Variants in GET4 observed in about 807,000 individuals in gnomAD.
GET4 encodes the protein Golgi to ER traffic protein 4 homolog.
A neutral mutation model predicts 40.0 loss-of-function variants in GET4; 20 were observed. That is an observed-to-expected ratio of 0.50 (90% CI 0.35 to 0.73). The LOEUF (loss-of-function observed/expected upper bound fraction) is 0.73, where lower values mean the gene tolerates loss of function less well. Among genes scored for constraint, GET4 ranks in the 30% least tolerant of loss-of-function variants. The probability of loss-of-function intolerance (pLI) is 0.01; values close to 1 mark genes in which losing one functional copy is unlikely to be tolerated. For synonymous variants in GET4, 280 were observed against 194.6 expected (o/e 1.44, Z -3.65); for missense variants, 557 against 454.0 (o/e 1.23, Z -2.06).
intron 1 of GET4, chr7:884,282 G>A (rs1844143964): frequency 7.7e-7 from 1 of 1,304,026 alleles, no homozygotes; most frequent in Admixed American, 2.3e-5. Flanking sequence ...AGAGTGCCCT[G>A]TGCCAGACGG....
In GET4 at chr7:892,322, C is replaced by T. The variant is rs141776612; in HGVS notation, c.650C>T (p.Thr217Met). Residue 217 changes from threonine (T) to methionine (M), a missense_variant, in exon 6 of 9, where the codon ACG becomes ATG. Physicochemically the swap from Thr to Met is moderately conservative, Grantham distance 81 (BLOSUM62 -1). Transcript: ENST00000265857. Reference protein sequence around the residue: ...KNKSSASVVFTTYTQKHPSIE... With the variant: ...KNKSSASVVFMTYTQKHPSIE... ...AAAAGTAGCGCATCGGTGGTCTTCA[C>T]GACGTACACCCAGAAGCACCCGTCC... is the stretch of plus-strand genomic sequence containing the variant. 1.1e-5 allele frequency: 18 copies of T among 1,594,970 alleles called. No homozygotes were observed. Among genetic ancestry groups the T allele is most frequent in the African/African-American group, 2.7e-5 (2 of 74,750 alleles).
chr7:894,051 T>G lies in GET4; in HGVS notation c.895+80T>G, dbSNP rs137889159. 4,550 of 833,330 alleles carry G rather than the reference T, an allele frequency of 5.5e-3. 14 individuals are homozygous for G. The highest frequency in any genetic ancestry group is 7.5e-3 in the Non-Finnish European group (4,058 of 542,984). 51.6% of individuals were successfully genotyped at this position (833,330 alleles called of 1,614,324 possible). A position where few individuals can be genotyped will look rare whatever the true frequency, so the allele number is the denominator to read the frequency against. ...ATCATCTCTGCCCAGGCAGGTCCAG[T>G]GCGGTCCTTCACGTGGAAGTGGTTT... On this transcript the variant is annotated intron_variant, in intron 8 of 8. Coordinates refer to ENST00000265857, the MANE Select transcript of GET4 (RefSeq NM_015949.3).
At chr7:884,223 C>T (rs1287368167) in intron 1 of GET4, 3 of 1,303,974 alleles carry the variant, frequency 2.3e-6, no homozygotes, top group South Asian at 2.5e-5. Context: ...TGCCCGTGGC[C>T]CCACTGGCGG....
At chr7:892,660 G>A (rs1281271045) in intron 6 of GET4, among the ~76,000 whole-genome samples, 4 of 145,522 alleles carry the variant, frequency 2.7e-5, no homozygotes, top group African/African-American at 1.0e-4. Flanking sequence ...TAGACATGGC[G>A]TGGGGGAGTG....
Position 876,696 on chromosome 7 carries a change from C to T in GET4, c.51C>T (p.Gly17=), listed in dbSNP as rs1401099320. The T allele has an allele frequency of 1.5e-6, 2 of 1,354,416 alleles. No homozygotes were observed. Among genetic ancestry groups the T allele is most frequent in the Middle Eastern group, 2.5e-4 (1 of 3,994 alleles). The allele number at this position is 1,354,416 out of a possible 1,614,324, so 83.9% of individuals were successfully genotyped here. Reference sequence around the variant, plus strand: ...AGCAGGAGAGCGCCCGGAACGGCGGCCGCAACCGCGGCGGCGTCCAGCGTG... The same window carrying T: ...AGCAGGAGAGCGCCCGGAACGGCGGTCGCAACCGCGGCGGCGTCCAGCGTG... ...MAEQESARNG[G]RNRGGVQRVE... The change falls in exon 1 of 9, where the codon GGC becomes GGT. Residue 17 remains glycine, a synonymous_variant. Coordinates refer to ENST00000265857, the MANE Select transcript of GET4 (RefSeq NM_015949.3).
intron 1 of GET4, chr7:882,238 A>C (rs918081563): frequency 2.0e-5 from 3 of 152,194 alleles, no homozygotes; most frequent in Non-Finnish European, 4.4e-5. Context: ...AGTTCTTTTA[A>C]GAATTGCCAG....
chr7:880,433 G>A (rs1292174923), intron 1 of GET4: 2 of 152,250 alleles, frequency 1.3e-5, no homozygotes, highest in African/African-American at 4.8e-5. Context: ...CCACTTCTAC[G>A]GTGACGAGGG....
intron 4 of GET4, among the ~76,000 whole-genome samples, chr7:888,307 TG>T (rs369322212): frequency 1.1e-3 from 161 of 152,334 alleles, no homozygotes; most frequent in African/African-American, 3.6e-3. Flanking sequence ...CGGGAGCAGC[TG>T]CATGAGGGCC....
rs368611045 is a variant in GET4, at chr7:878,895, TA to T, written c.155+2096del. Among the ~76,000 whole-genome samples, 882 of 152,320 alleles carry T rather than the reference TA, an allele frequency of 5.8e-3. 14 individuals are homozygous for T. Among genetic ancestry groups the T allele is most frequent in the African/African-American group, 0.02 (850 of 41,562 alleles). On this transcript the variant is annotated intron_variant, in intron 1 of 8. Coordinates refer to ENST00000265857, the MANE Select transcript of GET4 (RefSeq NM_015949.3). The stretch of plus-strand genomic sequence containing the variant: ...CGCCCGGCCAGTAGACTTTACTTTT[TA>T]GAGCAGTTTTTGGTTTATAGCAAAA...
rs1344148290 is a variant in GET4, at chr7:895,998, G to A, written c.*576G>A. On this transcript the variant is annotated 3_prime_UTR_variant, in exon 9 of 9. Coordinates refer to ENST00000265857, the MANE Select transcript of GET4 (RefSeq NM_015949.3). Reference sequence around the variant, plus strand: ...GCTCGGTGGAGGGACGCGTGCGGCGGGACGGTGCCTACGGGTACTTGCAGC... The same window carrying A: ...GCTCGGTGGAGGGACGCGTGCGGCGAGACGGTGCCTACGGGTACTTGCAGC... 6.6e-6 allele frequency: 1 copy of A among 152,232 alleles called. No homozygotes were observed. The highest frequency in any genetic ancestry group is 6.5e-5 in the Admixed American group (1 of 15,292). The allele number at this position is 152,232 out of a possible 1,614,324, so 9.4% of individuals were successfully genotyped here. A position where few individuals can be genotyped will look rare whatever the true frequency, so the allele number is the denominator to read the frequency against.
chr7:892,586 G>A, intron 6 of GET4, 168 bp downstream of exon 6: 2 of 629,748 alleles, frequency 3.2e-6, no homozygotes, highest in South Asian at 4.1e-5. Context: ...GCATAGGTGT[G>A]TGTGCAGGTC....
At chr7:877,066 C>A (rs899031783) in intron 1 of GET4, among the ~76,000 whole-genome samples, 8 of 151,826 alleles carry the variant, frequency 5.3e-5, no homozygotes, top group Non-Finnish European at 1.0e-4. Context: ...CGGCCTTCCC[C>A]TACTCCCAGC....
At chr7:882,736 C>G in intron 1 of GET4, 1 of 152,556 alleles carries the variant, frequency 6.6e-6, no homozygotes, top group East Asian at 1.9e-4. Flanking sequence ...AGACTTCTCC[C>G]TGCTGGGACG....
At position 891,027 on chromosome 7, in the gene GET4, G is replaced by A. The variant is rs143992969; in HGVS notation, c.566G>A (p.Arg189His). ...GAGTATTCCACGTCCCGCGGCTTCC[G>A]CAGCGAGGTGGACATGTTCGTGGCC... ...LVEYSTSRGF[R>H]SEVDMFVAQA... Residue 189 changes from arginine to histidine, a missense_variant, in exon 5 of 9, where the codon CGC (arginine) becomes CAC (histidine). Transcript: ENST00000265857. 76 of 1,609,938 alleles carry A rather than the reference G, an allele frequency of 4.7e-5. No individual in the cohort carries two copies. In the African/African-American group the frequency reaches 5.6e-4, roughly 12 times the overall value.
chr7:879,272 GC>G (rs1844035848), intron 1 of GET4, among the ~76,000 whole-genome samples: 1 of 152,246 alleles, frequency 6.6e-6, no homozygotes, highest in Non-Finnish European at 1.5e-5. Context: ...GCCTGGGTAA[GC>G]GAGTGGCCGG....
At position 891,051 on chromosome 7, in the gene GET4, C is replaced by T. The variant is rs1185508789; in HGVS notation, c.590C>T (p.Ala197Val). Reference sequence around the variant, plus strand: ...CGCAGCGAGGTGGACATGTTCGTGGCCCAGGCCGTGCTACAGTAGGTGTCT... The same window carrying T: ...CGCAGCGAGGTGGACATGTTCGTGGTCCAGGCCGTGCTACAGTAGGTGTCT... ...GFRSEVDMFV[A>V]QAVLQFLCLK... Residue 197 changes from alanine (A) to valine (V), a missense_variant, in exon 5 of 9, where the codon GCC becomes GTC. Transcript: ENST00000265857. 4 of 1,604,836 alleles carry T rather than the reference C, an allele frequency of 2.5e-6. No homozygotes were observed. The East Asian group carries it at 6.7e-5, about 27-fold the overall frequency.
chr7:880,214 G>C (rs907659494), intron 1 of GET4: 1 of 152,324 alleles, frequency 6.6e-6, no homozygotes, highest in Non-Finnish European at 1.5e-5. Context: ...GGTGGCGCAT[G>C]CCTATAATCC....
chr7:892,863 G>A (rs781408886), intron 6 of GET4, among the ~76,000 whole-genome samples: 18 of 151,506 alleles, frequency 1.2e-4, no homozygotes, highest in South Asian at 1.0e-3. Flanking sequence ...GTTGGGGTGC[G>A]TGCAGGTATG....
At chr7:894,065 T>G in intron 8 of GET4, 94 bp downstream of exon 8, 1 of 681,000 alleles carries the variant, frequency 1.5e-6, no homozygotes, top group Non-Finnish European at 2.4e-6. Context: ...GTCCTTCACG[T>G]GGAAGTGGTT....
Sources: gnomAD v4.1 joint callset for allele counts (sites outside exome capture counted in the v4.1 genomes callset) on GRCh38, gnomAD v4.1.1 for gene constraint, MANE v1.5 for transcripts, NCBI Gene and HGNC (gene_info 2026-07-23, HGNC 2026-07-21) for gene names.